HMGCLL1: variants seen among roughly 807,000 people sequenced by gnomAD.
HMGCLL1 encodes 3-hydroxymethyl-3-methylglutaryl-CoA lyase, cytoplasmic.
In HMGCLL1, 36 loss-of-function variants were observed where a neutral mutation model predicts 39.1. That is an observed-to-expected ratio of 0.92 (90% CI 0.71 to 1.22). The LOEUF is 1.22. Ranked by LOEUF, HMGCLL1 falls within the 50% of genes most tolerant of loss-of-function variation. The pLI is 0.00. For synonymous variants in HMGCLL1, 149 were observed against 144.0 expected (o/e 1.03, Z -0.25); for missense variants, 451 against 416.5 (o/e 1.08, Z -0.72).
chr6:55,583,955 T>C (rs1772027957), upstream of HMGCLL1, among the ~76,000 whole-genome samples: 1 of 152,134 alleles, frequency 6.6e-6, no homozygotes, highest in Admixed American at 6.6e-5. Flanking sequence ...TGACCTTTTT[T>C]TCATCTCTCA....
the HMGCLL1 span, among the ~76,000 whole-genome samples, chr6:55,585,840 A>G: frequency 6.6e-6 from 1 of 152,120 alleles, no homozygotes; most frequent in Non-Finnish European, 1.5e-5. Flanking sequence ...ATATATATTT[A>G]AGATTAAGAT....
intron 7 of HMGCLL1, among the ~76,000 whole-genome samples, chr6:55,477,332 TAATATATATTATATTTAG>T (rs1307385151): frequency 1.2e-4 from 4 of 33,726 alleles, no homozygotes; most frequent in Non-Finnish European, 1.4e-4. Flanking sequence ...TTATATTATA[TAATATATATTATATTTAG>T]ATAATATATA....
the HMGCLL1 span, among the ~76,000 whole-genome samples, chr6:55,654,742 G>C: frequency 6.6e-6 from 1 of 151,790 alleles, no homozygotes; most frequent in Non-Finnish European, 1.5e-5. Flanking sequence ...CATTATATTG[G>C]TCATCACAAC....
chr6:55,653,687 G>A, the HMGCLL1 span, among the ~76,000 whole-genome samples: 5 of 152,014 alleles, frequency 3.3e-5, no homozygotes, highest in African/African-American at 9.6e-5. Context: ...GAGCCCTTAA[G>A]GTATTACCAA....
chr6:55,514,965 G>A (rs930515548), intron 4 of HMGCLL1, among the ~76,000 whole-genome samples: 9 of 151,992 alleles, frequency 5.9e-5, no homozygotes, highest in African/African-American at 1.7e-4. Flanking sequence ...ATTAACACAT[G>A]GGGGGGAGGT....
chr6:55,518,818 C>T (rs1469929511), intron 3 of HMGCLL1, among the ~76,000 whole-genome samples: 1 of 152,104 alleles, frequency 6.6e-6, no homozygotes, highest in African/African-American at 2.4e-5. Context: ...CCAGCTGAGG[C>T]CCTAGACACT....
the HMGCLL1 span, among the ~76,000 whole-genome samples, chr6:55,636,554 T>C: frequency 1.3e-5 from 2 of 152,156 alleles, no homozygotes; most frequent in South Asian, 2.1e-4. Context: ...AAATAACTTA[T>C]GGCTTAGTGT....
At chr6:55,467,866 A>G (rs778457201) in intron 7 of HMGCLL1, among the ~76,000 whole-genome samples, 1 of 152,028 alleles carries the variant, frequency 6.6e-6, no homozygotes, top group Non-Finnish European at 1.5e-5. Flanking sequence ...ATAAGCAGTG[A>G]AGATACTATG....
intron 8 of HMGCLL1, among the ~76,000 whole-genome samples, chr6:55,438,429 T>A (rs1763456972): frequency 6.6e-6 from 1 of 152,060 alleles, no homozygotes. Context: ...GATAATTATA[T>A]AACCTTGTGG....
intron 5 of HMGCLL1, chr6:55,513,846 A>C (rs1191128232): frequency 1.1e-5 from 6 of 535,218 alleles, no homozygotes; most frequent in Non-Finnish European, 1.6e-5. Context: ...TGCATGACAC[A>C]TTCCACAAGC....
the HMGCLL1 span, among the ~76,000 whole-genome samples, chr6:55,595,270 T>C: frequency 1.3e-5 from 2 of 152,326 alleles, no homozygotes; most frequent in East Asian, 1.9e-4. Context: ...TATATCTATC[T>C]ATAAAGCCTG....
In HMGCLL1 at chr6:55,435,302, C is replaced by T. The variant is rs1263863940; in HGVS notation, c.*360G>A. On this transcript the variant is annotated 3_prime_UTR_variant, in exon 9 of 9. Transcript: ENST00000274901. ...GCTCATAAACTACTGACAATATGTACACAGTGTTAAGCCTGCTTGATTAAG... is the reference window on the plus strand; with the variant it reads ...GCTCATAAACTACTGACAATATGTATACAGTGTTAAGCCTGCTTGATTAAG... 1 of 165,700 alleles carries T rather than the reference C, an allele frequency of 6.0e-6. No individual in the cohort carries two copies. The highest frequency in any genetic ancestry group is 1.3e-5 in the Non-Finnish European group (1 of 75,382). 10.3% of individuals were successfully genotyped at this position (165,700 alleles called of 1,614,324 possible).
At chr6:55,653,498 C>A in the HMGCLL1 span, among the ~76,000 whole-genome samples, 1 of 139,822 alleles carries the variant, frequency 7.2e-6, no homozygotes, top group African/African-American at 2.7e-5. Context: ...ATGAAAACTT[C>A]AAACTACCCT....
At chr6:55,466,217 A>G (rs1764794092) in intron 7 of HMGCLL1, among the ~76,000 whole-genome samples, 1 of 152,072 alleles carries the variant, frequency 6.6e-6, no homozygotes, top group South Asian at 2.1e-4. Context: ...AAGAGGCAAT[A>G]ACACTAGCTA....
At chr6:55,645,308 T>C in the HMGCLL1 span, among the ~76,000 whole-genome samples, 1 of 152,124 alleles carries the variant, frequency 6.6e-6, no homozygotes, top group African/African-American at 2.4e-5. Context: ...GTAAAGACTT[T>C]AGGTTTTTCC....
At chr6:55,591,952 C>G in the HMGCLL1 span, among the ~76,000 whole-genome samples, 1 of 151,828 alleles carries the variant, frequency 6.6e-6, no homozygotes, top group Non-Finnish European at 1.5e-5. Flanking sequence ...GGAAATACAC[C>G]AATGTGGAAT....
At chr6:55,650,090 C>CATATATATATAT in the HMGCLL1 span, among the ~76,000 whole-genome samples, 66 of 52,190 alleles carry the variant, frequency 1.3e-3, 1 homozygote, top group Admixed American at 1.9e-3. Flanking sequence ...CACACATATA[C>CATATATATATAT]ATATATATAT....
chr6:55,644,369 T>C, the HMGCLL1 span, among the ~76,000 whole-genome samples: 1 of 152,074 alleles, frequency 6.6e-6, no homozygotes, highest in African/African-American at 2.4e-5. Flanking sequence ...TTGTTGACTG[T>C]TTGCTTTGCT....
At chr6:55,520,384 C>A (rs1023058546) in intron 3 of HMGCLL1, among the ~76,000 whole-genome samples, 1 of 151,508 alleles carries the variant, frequency 6.6e-6, no homozygotes, top group Non-Finnish European at 1.5e-5. Flanking sequence ...ATGATAAATA[C>A]AGAAAGTAGA....
Sources: allele counts gnomAD v4.1 joint callset (sites outside exome capture counted in the v4.1 genomes callset), GRCh38; gene constraint gnomAD v4.1.1; transcripts MANE v1.5; gene names NCBI Gene and HGNC (gene_info 2026-07-23, HGNC 2026-07-21).